UBE4B: variants seen among roughly 807,000 people sequenced by gnomAD.
UBE4B encodes ubiquitin conjugation factor E4 B.
In UBE4B, 27 loss-of-function variants were observed where a neutral mutation model predicts 148.1. The ratio of observed to expected loss-of-function variants is 0.18; its 90% CI spans 0.13 to 0.25. UBE4B has a LOEUF of 0.25. Ranked by LOEUF, UBE4B falls within the 10% of genes least tolerant of loss-of-function variation. UBE4B has a pLI of 1.00. For synonymous variants in UBE4B, 596 were observed against 619.3 expected, an observed-to-expected ratio of 0.96 and a Z score of 0.56; for missense variants, 1,170 against 1,662.4, an observed-to-expected ratio of 0.70 and a Z score of 5.15.
At chr1:10,142,639 C>G (rs1263068481) in intron 17 of UBE4B, among the ~76,000 whole-genome samples, 1 of 152,080 alleles carries the variant, frequency 6.6e-6, no homozygotes. Context: ...CCACTGCACT[C>G]CAGCCTGGGA....
chr1:10,157,867 T>C (rs779323328), intron 21 of UBE4B, among the ~76,000 whole-genome samples: 1 of 152,236 alleles, frequency 6.6e-6, no homozygotes, highest in Non-Finnish European at 1.5e-5. Flanking sequence ...GTTTGATTTT[T>C]ATCCCTCTTT....
chr1:10,052,384 A>G (rs1644067190), intron 1 of UBE4B, among the ~76,000 whole-genome samples: 1 of 152,146 alleles, frequency 6.6e-6, no homozygotes, highest in Non-Finnish European at 1.5e-5. Flanking sequence ...TGGTGATTTA[A>G]TTAGTTAGAT....
chr1:10,178,519 A>T (rs1453048382), intron 25 of UBE4B, 125 bp from the exon 26 acceptor site: 3 of 919,580 alleles, frequency 3.3e-6, no homozygotes, highest in African/African-American at 3.4e-5. Context: ...AAGTGTATAT[A>T]TAATTTTAGG....
intron 17 of UBE4B, among the ~76,000 whole-genome samples, chr1:10,140,191 T>C (rs1645763083): frequency 6.6e-6 from 1 of 152,250 alleles, no homozygotes. Context: ...AAATGTTTTC[T>C]AATTTTTGTT....
At chr1:10,033,721 G>A (rs747646966) in intron 1 of UBE4B, 27 bp downstream of exon 1, 3 of 1,544,504 alleles carry the variant, frequency 1.9e-6, no homozygotes, top group Non-Finnish European at 1.7e-6. Context: ...ACACCTTGAG[G>A]GATTAGTTGG....
intron 7 of UBE4B, among the ~76,000 whole-genome samples, chr1:10,111,539 G>A (rs534530677): frequency 6.6e-6 from 1 of 152,204 alleles, no homozygotes; most frequent in East Asian, 1.9e-4. Flanking sequence ...TTCTTCATCC[G>A]CCTGGTTCCG....
intron 17 of UBE4B, among the ~76,000 whole-genome samples, chr1:10,144,210 A>G (rs1314285539): frequency 1.3e-5 from 2 of 152,210 alleles, no homozygotes; most frequent in African/African-American, 4.8e-5. Flanking sequence ...AGAGAAGAGC[A>G]TTGCGAGCAG....
intron 18 of UBE4B, among the ~76,000 whole-genome samples, chr1:10,146,677 C>T (rs1645878411): frequency 6.6e-6 from 1 of 152,036 alleles, no homozygotes; most frequent in Non-Finnish European, 1.5e-5. Flanking sequence ...CCTGTCGCCA[C>T]CCTCTCCTCA....
At chr1:10,080,884 A>C (rs1169870281) in intron 2 of UBE4B, among the ~76,000 whole-genome samples, 1 of 152,172 alleles carries the variant, frequency 6.6e-6, no homozygotes, top group Non-Finnish European at 1.5e-5. Context: ...TAGACAGTAG[A>C]TGGTGGTTAC....
intron 1 of UBE4B, chr1:10,054,583 G>T: frequency 3.5e-6 from 1 of 283,144 alleles, no homozygotes; most frequent in Non-Finnish European, 6.9e-6. Flanking sequence ...AGGAAATGAT[G>T]CTGGCCTTTA....
rs368711823 is a variant in UBE4B at position 10,142,247 on chromosome 1, G to A, written c.2364-2693G>A. Reference sequence around the variant, plus strand: ...CCAGAGCCCCATTTTTTTCATGAAGGCCTGTTACCTATAAACTCTTGTGAT... The same window carrying A: ...CCAGAGCCCCATTTTTTTCATGAAGACCTGTTACCTATAAACTCTTGTGAT... On this transcript the variant is annotated intron_variant, in intron 17 of 27. Transcript: ENST00000343090. Among the ~76,000 whole-genome samples the A allele has an allele frequency of 2.0e-3, 311 of 152,068 alleles. 1 individual carries two copies. The highest frequency in any genetic ancestry group is 7.1e-3 in the African/African-American group (294 of 41,494).
In UBE4B at chr1:10,106,453, C is replaced by T. The variant is rs752975297; in HGVS notation, c.1066C>T (p.Leu356Phe). Residue 356 changes from leucine (L) to phenylalanine (F), a missense_variant, in exon 7 of 28, where the codon CTC (leucine) becomes TTC (phenylalanine). Physicochemically the swap from Leu to Phe is conservative, Grantham distance 22 (BLOSUM62 0). Transcript: ENST00000343090. This position sits in a 1 kb window ranked among gnomAD's most constrained non-coding sequence, Gnocchi z 4.2. ...ILSSSPSPPA[L>F]ASSPQAVPAS... ...GTCGAGCTCCCCAAGTCCCCCTGCC[C>T]TCGCCAGTAGCCCCCAAGCAGTGCC... The T allele has an allele frequency of 6.2e-7, 1 of 1,614,026 alleles. No individual in the cohort carries two copies. The highest frequency in any genetic ancestry group is 1.1e-5 in the South Asian group (1 of 91,054).
intron 25 of UBE4B, 72 bp from the exon 26 acceptor site, chr1:10,178,572 G>T (rs1307695898): frequency 6.8e-7 from 1 of 1,462,516 alleles, no homozygotes; most frequent in Non-Finnish European, 9.1e-7. Flanking sequence ...TAATACTTTG[G>T]ATATTTTCTG....
At chr1:10,087,111 G>T (rs1438796786) in intron 2 of UBE4B, among the ~76,000 whole-genome samples, 8 of 152,182 alleles carry the variant, frequency 5.3e-5, no homozygotes, top group Admixed American at 5.2e-4. Flanking sequence ...GCATACAGGT[G>T]TATCTATAGA....
chr1:10,135,279 A>G, intron 16 of UBE4B, 93 bp downstream of exon 16: 2 of 1,258,006 alleles, frequency 1.6e-6, no homozygotes, highest in Non-Finnish European at 2.2e-6. Context: ...CTCACCATAA[A>G]ATGAACTTAA....
intron 1 of UBE4B, among the ~76,000 whole-genome samples, chr1:10,059,819 C>A (rs1644251169): frequency 6.6e-6 from 1 of 151,814 alleles, no homozygotes; most frequent in African/African-American, 2.4e-5. Flanking sequence ...TTTTTTTTTC[C>A]ACTCCTTTCA....
chr1:10,149,159 A>T, intron 19 of UBE4B, 25 bp from the exon 20 acceptor site: 2 of 1,509,490 alleles, frequency 1.3e-6, no homozygotes, highest in Non-Finnish European at 1.8e-6. Context: ...CATTTAATAA[A>T]TTGTCCTTTT....
chr1:10,038,581 T>C (rs997175462), intron 1 of UBE4B, among the ~76,000 whole-genome samples: 3 of 152,218 alleles, frequency 2.0e-5, no homozygotes, highest in Middle Eastern at 3.2e-3. Context: ...CCCAGTGCTC[T>C]GGACTCGAAA....
chr1:10,148,159 G>A (rs1316617390), intron 19 of UBE4B, among the ~76,000 whole-genome samples: 3 of 150,988 alleles, frequency 2.0e-5, no homozygotes, highest in Admixed American at 2.0e-4. Flanking sequence ...CCTGGGAGGC[G>A]GAGCTTCCGG....
Sources: allele counts gnomAD v4.1 joint callset (sites outside exome capture counted in the v4.1 genomes callset), GRCh38; gene constraint gnomAD v4.1.1; non-coding constraint Gnocchi (gnomAD v3.1); transcripts MANE v1.5; gene names NCBI Gene and HGNC (gene_info 2026-07-23, HGNC 2026-07-21).